Variants in DDR2 observed in about 807,000 individuals in gnomAD.
DDR2 encodes the protein discoidin domain receptor tyrosine kinase 2, also known as discoidin domain-containing receptor 2.
A neutral mutation model predicts 94.9 loss-of-function variants in DDR2; 27 were observed. That is an observed-to-expected ratio of 0.28 (90% CI 0.21 to 0.39). DDR2 has a LOEUF of 0.39. Among genes scored for constraint, DDR2 ranks in the 10% least tolerant of loss-of-function variants. The probability of loss-of-function intolerance (pLI) is 1.00; values close to 1 mark genes in which losing one functional copy is unlikely to be tolerated. For synonymous variants in DDR2, 382 were observed against 377.2 expected (o/e 1.01, Z -0.15); for missense variants, 783 against 1,076.0 (o/e 0.73, Z 3.81).
chr1:162,710,362 A>G (rs1280902698), intron 2 of DDR2, among the ~76,000 whole-genome samples: 1 of 152,134 alleles, frequency 6.6e-6, no homozygotes, highest in East Asian at 1.9e-4. Flanking sequence ...TTGGCTCCAC[A>G]CTGAGGGGCT....
chr1:162,682,594 T>A (rs1659465567), intron 2 of DDR2, among the ~76,000 whole-genome samples: 1 of 152,242 alleles, frequency 6.6e-6, no homozygotes, highest in African/African-American at 2.4e-5. Flanking sequence ...CAAGCAAGAA[T>A]ACCAGAGCCA....
chr1:162,730,039 GCTTTTTTTTTTTTTTTTGCAAAAAAA>G (rs1661949455), intron 3 of DDR2, among the ~76,000 whole-genome samples: 1 of 117,384 alleles, frequency 8.5e-6, no homozygotes, highest in Non-Finnish European at 1.7e-5. Context: ...ACCATGCCTG[GCTTTTTTTTTTTTTTTTGCAAAAAAA>G]AAAAAAAAAA....
intron 15 of DDR2, 40 bp downstream of exon 15, chr1:162,775,883 G>C (rs1647523503): frequency 2.5e-6 from 4 of 1,611,356 alleles, no homozygotes; most frequent in Non-Finnish European, 2.5e-6. Flanking sequence ...CTGTGGTCAT[G>C]AGAGTAACCT....
At chr1:162,693,534 T>C (rs769057582) in intron 2 of DDR2, among the ~76,000 whole-genome samples, 8 of 152,198 alleles carry the variant, frequency 5.3e-5, no homozygotes, top group Non-Finnish European at 1.2e-4. Flanking sequence ...AACTGCTGCT[T>C]TCATGGAGCT....
At position 162,755,701 on chromosome 1, in the gene DDR2, G is replaced by A; in HGVS notation, c.603G>A (p.Gln201=). ...LVSYNAPAGQ[Q]FVLPGGSIIY... ...CTTACAATGCTCCAGCTGGGCAGCA[G>A]TTTGTACTCCCTGGAGGTTCCATCA... The change falls in exon 7 of 18, where the codon CAG becomes CAA. Residue 201 remains glutamine (Q), a synonymous_variant. Coordinates refer to ENST00000367921, the MANE Select transcript of DDR2 (RefSeq NM_006182.4). The A allele has an allele frequency of 6.2e-7, 1 of 1,614,200 alleles. No individual in the cohort carries two copies. Among genetic ancestry groups the A allele is most frequent in the Non-Finnish European group, 8.5e-7 (1 of 1,180,014 alleles).
At chr1:162,656,550 T>TG (rs992072672) in intron 2 of DDR2, among the ~76,000 whole-genome samples, 35 of 152,170 alleles carry the variant, frequency 2.3e-4, no homozygotes, top group African/African-American at 7.7e-4. Flanking sequence ...CCTTCAAATT[T>TG]GCCTTTTCTT....
At chr1:162,668,202 T>G (rs1290210207) in intron 2 of DDR2, among the ~76,000 whole-genome samples, 1 of 152,226 alleles carries the variant, frequency 6.6e-6, no homozygotes, top group East Asian at 1.9e-4. Context: ...GCAGCCTGTT[T>G]GTAAATACAA....
At chr1:162,778,259 T>C (rs980350354) in intron 16 of DDR2, among the ~76,000 whole-genome samples, 1 of 152,166 alleles carries the variant, frequency 6.6e-6, no homozygotes, top group Admixed American at 6.5e-5. Flanking sequence ...GACTTCCCAT[T>C]CAGATTTTGC....
intron 2 of DDR2, among the ~76,000 whole-genome samples, chr1:162,704,751 T>C (rs1454398943): frequency 6.6e-6 from 1 of 152,118 alleles, no homozygotes; most frequent in Non-Finnish European, 1.5e-5. Context: ...ACTATCACAT[T>C]GAGGGTTAGA....
At chr1:162,730,608 G>A (rs1005548174) in intron 3 of DDR2, among the ~76,000 whole-genome samples, 2 of 152,180 alleles carry the variant, frequency 1.3e-5, no homozygotes, top group African/African-American at 4.8e-5. Flanking sequence ...CTTGCCCATA[G>A]GACAAATCCA....
intron 1 of DDR2, among the ~76,000 whole-genome samples, chr1:162,633,833 G>A (rs553300254): frequency 2.0e-5 from 3 of 152,282 alleles, no homozygotes; most frequent in Non-Finnish European, 2.9e-5. Flanking sequence ...CTATGCAGCA[G>A]GCTCAAAATA....
chr1:162,744,880 C>A (rs1030069805), intron 3 of DDR2, among the ~76,000 whole-genome samples: 2 of 152,180 alleles, frequency 1.3e-5, no homozygotes, highest in African/African-American at 4.8e-5. Flanking sequence ...AGTGGGACTG[C>A]TGGAGCATAT....
intron 3 of DDR2, chr1:162,741,735 A>G: frequency 7.1e-6 from 7 of 985,406 alleles, no homozygotes; most frequent in Non-Finnish European, 7.2e-6. Context: ...CTACATTATT[A>G]GTAGCTGGGC....
intron 8 of DDR2, 78 bp from the exon 9 acceptor site, chr1:162,761,133 T>C: frequency 6.2e-7 from 1 of 1,602,834 alleles, no homozygotes. Flanking sequence ...AGACGGCAAC[T>C]ACTGAGTTGG....
chr1:162,711,709 C>T (rs1660923615), intron 2 of DDR2, among the ~76,000 whole-genome samples: 1 of 152,052 alleles, frequency 6.6e-6, no homozygotes, highest in African/African-American at 2.4e-5. Context: ...AAATGTAGTT[C>T]ACTATTATAG....
At chr1:162,647,677 G>A (rs1657482576) in intron 1 of DDR2, among the ~76,000 whole-genome samples, 1 of 152,188 alleles carries the variant, frequency 6.6e-6, no homozygotes, top group South Asian at 2.1e-4. Context: ...TAGACTATAT[G>A]AGGTAACTTC....
intron 2 of DDR2, among the ~76,000 whole-genome samples, chr1:162,679,103 A>G (rs771156069): frequency 1.3e-5 from 2 of 151,462 alleles, no homozygotes; most frequent in Non-Finnish European, 2.9e-5. Context: ...TTTGTCATAT[A>G]GTAATGGGGA....
At position 162,751,968 on chromosome 1, in the gene DDR2, G is replaced by A. The variant is rs142435092; in HGVS notation, c.83-1127G>A. ...CAGTGAGAACACCTGGACACAGGGC[G>A]GAGAACATCACACACTGGGGCCTGT... On this transcript the variant is annotated intron_variant, in intron 3 of 17. Transcript: ENST00000367921. Among the ~76,000 whole-genome samples the A allele has an allele frequency of 9.5e-3, 1,451 of 152,216 alleles. 21 individuals are homozygous for A. Among genetic ancestry groups the A allele is most frequent in the African/African-American group, 0.033 (1,380 of 41,528 alleles).
At chr1:162,750,993 A>G in intron 3 of DDR2, among the ~76,000 whole-genome samples, 1 of 152,236 alleles carries the variant, frequency 6.6e-6, no homozygotes, top group African/African-American at 2.4e-5. Flanking sequence ...ACAAAAATTA[A>G]TTCAAGATGG....
Sources: allele counts gnomAD v4.1 joint callset (sites outside exome capture counted in the v4.1 genomes callset), GRCh38; gene constraint gnomAD v4.1.1; transcripts MANE v1.5; gene names NCBI Gene and HGNC (gene_info 2026-07-23, HGNC 2026-07-21).